The following RALYL variants were observed in gnomAD, a reference collection of about 807,000 sequenced individuals.
The protein encoded by RALYL is RNA-binding Raly-like protein.
RALYL carries 29 observed loss-of-function variants against 35.1 expected under a neutral mutation model. The observed-to-expected ratio is 0.83, with a 90% CI of 0.61 to 1.13. The LOEUF (loss-of-function observed/expected upper bound fraction) is 1.13. Among genes scored for constraint, RALYL ranks in the 50% most tolerant of loss-of-function variants. The pLI is 0.00. For missense variants in RALYL, 359 were observed against 360.4 expected (o/e 1.00, Z 0.03); for synonymous variants, 120 against 127.6 (o/e 0.94, Z 0.40).
intron 1 of RALYL, among the ~76,000 whole-genome samples, chr8:84,407,035 T>C (rs749315617): frequency 0.023 from 3,192 of 141,612 alleles, 92 homozygotes; most frequent in African/African-American, 0.075. Context: ...TATATATATA[T>C]ACACACACAC....
At chr8:84,760,235 T>G (rs1812369112) in intron 2 of RALYL, among the ~76,000 whole-genome samples, 1 of 152,106 alleles carries the variant, frequency 6.6e-6, no homozygotes. Context: ...AAATTAGATT[T>G]TTTTTCCATG....
chr8:84,656,706 A>G (rs901829133), intron 2 of RALYL, among the ~76,000 whole-genome samples: 3 of 151,216 alleles, frequency 2.0e-5, no homozygotes, highest in Admixed American at 6.6e-5. Context: ...ATTTCTTGAT[A>G]ATTAGAGTAA....
At chr8:84,776,530 A>C (rs1816881385) in intron 3 of RALYL, among the ~76,000 whole-genome samples, 1 of 152,222 alleles carries the variant, frequency 6.6e-6, no homozygotes, top group African/African-American at 2.4e-5. Context: ...TTTGAGGTAA[A>C]GGAGATGATT....
chr8:84,482,126 A>G (rs2054110696), intron 1 of RALYL, among the ~76,000 whole-genome samples: 1 of 152,128 alleles, frequency 6.6e-6, no homozygotes, highest in Non-Finnish European at 1.5e-5. Flanking sequence ...ATATGCTTAC[A>G]CTTTTAGTAC....
At chr8:84,239,407 T>C (rs998364482) in intron 1 of RALYL, among the ~76,000 whole-genome samples, 2 of 152,112 alleles carry the variant, frequency 1.3e-5, no homozygotes, top group Non-Finnish European at 2.9e-5. Context: ...AAAATATACC[T>C]CAGTTAATAA....
chr8:84,400,474 G>A (rs2042775786), intron 1 of RALYL, among the ~76,000 whole-genome samples: 1 of 152,178 alleles, frequency 6.6e-6, no homozygotes, highest in Non-Finnish European at 1.5e-5. Context: ...AAAAAGTTGA[G>A]TTCTGAAGAG....
chr8:84,563,678 C>CAA (rs2061601825), intron 2 of RALYL, among the ~76,000 whole-genome samples: 2 of 151,440 alleles, frequency 1.3e-5, no homozygotes, highest in Non-Finnish European at 3.0e-5. Flanking sequence ...CCTTCTTTTC[C>CAA]TTACACTGTG....
chr8:84,247,596 G>A (rs76329760), intron 1 of RALYL, among the ~76,000 whole-genome samples: 4,453 of 151,652 alleles, frequency 0.029, 88 homozygotes, highest in Non-Finnish European at 0.047. Context: ...AGAATAGGAC[G>A]CAGGCTTTAA....
chr8:84,584,959 C>A (rs915135517), intron 2 of RALYL, among the ~76,000 whole-genome samples: 2 of 152,156 alleles, frequency 1.3e-5, no homozygotes, highest in Non-Finnish European at 2.9e-5. Flanking sequence ...TGCCCTAGAG[C>A]AGCCCTGTTC....
chr8:84,764,470 C>T (rs549495697), intron 2 of RALYL, among the ~76,000 whole-genome samples: 191 of 152,052 alleles, frequency 1.3e-3, no homozygotes, highest in Non-Finnish European at 2.1e-3. Flanking sequence ...CTTTTTTTCA[C>T]TTCAGTTTCT....
chr8:84,204,777 C>G (rs1817681141), intron 1 of RALYL, among the ~76,000 whole-genome samples: 1 of 152,126 alleles, frequency 6.6e-6, no homozygotes, highest in South Asian at 2.1e-4. Context: ...AAAAATAATT[C>G]ACTCTGAAGA....
intron 2 of RALYL, among the ~76,000 whole-genome samples, chr8:84,715,134 CTT>C (rs1320016487): frequency 1.3e-5 from 2 of 151,724 alleles, no homozygotes; most frequent in Admixed American, 6.6e-5. Flanking sequence ...ATCATTAAAA[CTT>C]TGTTTTCATC....
chr8:84,607,867 A>G (rs957859779), intron 2 of RALYL, among the ~76,000 whole-genome samples: 1 of 152,174 alleles, frequency 6.6e-6, no homozygotes, highest in African/African-American at 2.4e-5. Flanking sequence ...AATACAATAA[A>G]AATAAATTTC....
rs922073697 is a variant in RALYL, at chr8:84,782,114, C to T, written c.332+7460C>T. On this transcript the variant is annotated intron_variant, in intron 3 of 8. Transcript: ENST00000521268. ...TTATGAACTCAATAAAAGAATCACA[C>T]GATATTCCTTTCCTTTCTGCTTCTC... Among the ~76,000 whole-genome samples the T allele has an allele frequency of 6.6e-5, 10 of 152,128 alleles. No homozygotes were observed. In the South Asian group the frequency reaches 1.0e-3, roughly 16 times the overall value.
chr8:84,655,647 A>G (rs765328469), intron 2 of RALYL, among the ~76,000 whole-genome samples: 7 of 152,092 alleles, frequency 4.6e-5, no homozygotes, highest in Admixed American at 2.6e-4. Flanking sequence ...TTTTTTTCCT[A>G]TGGAGTCGTT....
chr8:84,289,175 G>A (rs1297987061), intron 1 of RALYL, among the ~76,000 whole-genome samples: 1 of 152,134 alleles, frequency 6.6e-6, no homozygotes, highest in African/African-American at 2.4e-5. Context: ...CCACAAAATT[G>A]GGAAACAGCA....
intron 8 of RALYL, among the ~76,000 whole-genome samples, chr8:84,908,553 T>G (rs1206877161): frequency 1.3e-5 from 2 of 152,200 alleles, no homozygotes; most frequent in Non-Finnish European, 2.9e-5. Context: ...TAAGGCTGAA[T>G]AGTATTCCAT....
intron 1 of RALYL, among the ~76,000 whole-genome samples, chr8:84,274,500 T>A (rs1834965854): frequency 6.6e-6 from 1 of 152,150 alleles, no homozygotes; most frequent in African/African-American, 2.4e-5. Flanking sequence ...GAAAGAATAA[T>A]GCTTTCATCT....
chr8:84,335,931 C>T (rs1306593715), intron 1 of RALYL, among the ~76,000 whole-genome samples: 1 of 151,964 alleles, frequency 6.6e-6, no homozygotes, highest in Non-Finnish European at 1.5e-5. Flanking sequence ...AGCTCCTGTC[C>T]TCCTTTAGAG....
Sources: allele counts gnomAD v4.1 joint callset (sites outside exome capture counted in the v4.1 genomes callset), GRCh38; gene constraint gnomAD v4.1.1; transcripts MANE v1.5; gene names NCBI Gene and HGNC (gene_info 2026-07-23, HGNC 2026-07-21).